Variants in MIPOL1 observed in about 807,000 individuals in gnomAD.
MIPOL1 encodes the protein mirror-image polydactyly gene 1 protein.
Under a neutral mutation model 60.9 loss-of-function variants are expected in MIPOL1, and 57 were observed. That is an observed-to-expected ratio of 0.94 (90% CI 0.76 to 1.17). MIPOL1 has a LOEUF of 1.17. Ranked by LOEUF, MIPOL1 falls within the 50% of genes most tolerant of loss-of-function variation. The probability of loss-of-function intolerance (pLI) is 0.00; values close to 1 mark genes in which losing one functional copy is unlikely to be tolerated. For missense variants in MIPOL1, 551 were observed against 511.6 expected, an observed-to-expected ratio of 1.08 and a Z score of -0.74; for synonymous variants, 179 against 168.8, an observed-to-expected ratio of 1.06 and a Z score of -0.47.
intron 1 of MIPOL1, among the ~76,000 whole-genome samples, chr14:37,233,522 T>C (rs983389755): frequency 8.5e-5 from 13 of 152,108 alleles, no homozygotes; most frequent in Non-Finnish European, 8.8e-5. Context: ...GAACTGAGGG[T>C]CCTAGGAATT....
chr14:37,452,161 A>C (rs2094430557), intron 11 of MIPOL1, among the ~76,000 whole-genome samples: 1 of 152,114 alleles, frequency 6.6e-6, no homozygotes, highest in African/African-American at 2.4e-5. Flanking sequence ...ATTTGAGATG[A>C]AAAGAAAGAG....
chr14:37,435,126 A>G (rs2094143526), intron 11 of MIPOL1, among the ~76,000 whole-genome samples: 2 of 152,140 alleles, frequency 1.3e-5, no homozygotes, highest in African/African-American at 4.8e-5. Context: ...GTATGTTGTG[A>G]TATTACTTAT....
At chr14:37,535,705 G>GAAAAAAAAAAAAAA (rs2095503219) in intron 12 of MIPOL1, among the ~76,000 whole-genome samples, 1 of 152,020 alleles carries the variant, frequency 6.6e-6, no homozygotes, top group African/African-American at 2.4e-5. Context: ...CACCTAAAAG[G>GAAAAAAAAAAAAAA]CTGTGTAGAA....
chr14:37,223,775 A>G (rs1969236668), intron 1 of MIPOL1, among the ~76,000 whole-genome samples: 1 of 152,200 alleles, frequency 6.6e-6, no homozygotes, highest in Non-Finnish European at 1.5e-5. Context: ...TGCTGGGATT[A>G]CAGGCGTGAG....
At chr14:37,375,844 G>A (rs749346199) in intron 10 of MIPOL1, among the ~76,000 whole-genome samples, 11 of 151,642 alleles carry the variant, frequency 7.3e-5, no homozygotes, top group Non-Finnish European at 1.6e-4. Context: ...GCCTCAGCTT[G>A]CCAAGTAGGC....
At chr14:37,350,981 A>G (rs2091312549) in intron 9 of MIPOL1, among the ~76,000 whole-genome samples, 1 of 151,422 alleles carries the variant, frequency 6.6e-6, no homozygotes. Flanking sequence ...ATATGTATAC[A>G]TGTGCCATGC....
intron 1 of MIPOL1, among the ~76,000 whole-genome samples, chr14:37,235,773 C>A (rs1971368275): frequency 6.6e-6 from 1 of 152,060 alleles, no homozygotes; most frequent in South Asian, 2.1e-4. Flanking sequence ...CTGATAACCT[C>A]TATTCTACTT....
intron 10 of MIPOL1, chr14:37,399,934 C>A (rs2093450726): frequency 6.6e-6 from 1 of 152,148 alleles, no homozygotes; most frequent in Admixed American, 6.5e-5. Context: ...AGTTTCCCAG[C>A]ATGATTGATC....
chr14:37,505,133 C>G (rs1231593691), intron 12 of MIPOL1: 1 of 152,108 alleles, frequency 6.6e-6, no homozygotes, highest in Non-Finnish European at 1.5e-5. Context: ...CAAAAAAAGT[C>G]CAGAACCAGA....
intron 1 of MIPOL1, among the ~76,000 whole-genome samples, chr14:37,220,205 A>G (rs1173401547): frequency 6.6e-6 from 1 of 152,164 alleles, no homozygotes; most frequent in Non-Finnish European, 1.5e-5. Flanking sequence ...ATTACGTTAC[A>G]TTCTTGGAGG....
At chr14:37,426,586 T>TATATATATATAC (rs1473912042) in intron 11 of MIPOL1, among the ~76,000 whole-genome samples, 1 of 138,736 alleles carries the variant, frequency 7.2e-6, no homozygotes, top group East Asian at 2.1e-4. Flanking sequence ...TATATATATA[T>TATATATATATAC]ATATATATAC....
At chr14:37,276,557 T>C (rs145288316) in intron 6 of MIPOL1, 92 of 151,338 alleles carry the variant, frequency 6.1e-4, no homozygotes, top group African/African-American at 2.1e-3. Context: ...TCTGTTACTA[T>C]GTATCATATC....
At chr14:37,202,184 T>C (rs896937379) in intron 1 of MIPOL1, among the ~76,000 whole-genome samples, 2 of 152,214 alleles carry the variant, frequency 1.3e-5, no homozygotes, top group African/African-American at 4.8e-5. Flanking sequence ...CATTTAGATA[T>C]ATGCTAATAC....
intron 12 of MIPOL1, among the ~76,000 whole-genome samples, chr14:37,536,546 G>GA (rs1191347792): frequency 7.9e-5 from 12 of 152,292 alleles, no homozygotes; most frequent in Admixed American, 7.8e-4. Context: ...AGGAGAATAT[G>GA]AGGATACTTA....
At chr14:37,388,386 AC>A (rs1852101910) in intron 10 of MIPOL1, among the ~76,000 whole-genome samples, 1 of 151,794 alleles carries the variant, frequency 6.6e-6, no homozygotes, top group Admixed American at 6.6e-5. Context: ...AGAAAACCAC[AC>A]CCCAAATTGC....
chr14:37,375,396 C>T (rs916701841), intron 10 of MIPOL1, among the ~76,000 whole-genome samples: 4 of 151,890 alleles, frequency 2.6e-5, no homozygotes, highest in African/African-American at 9.7e-5. Flanking sequence ...TTTGTAGAGA[C>T]GAGGTCTCAA....
downstream of MIPOL1, chr14:37,551,356 T>C (rs944333190): frequency 6.6e-5 from 10 of 152,098 alleles, no homozygotes; most frequent in African/African-American, 2.2e-4. Flanking sequence ...ATAAAATATA[T>C]TGCAGTAAGG....
chr14:37,216,076 A>T (rs1042757656), intron 1 of MIPOL1, among the ~76,000 whole-genome samples: 1 of 150,004 alleles, frequency 6.7e-6, no homozygotes. Flanking sequence ...AAAAAAAAAA[A>T]AAAGAAAGAA....
At chr14:37,405,939 C>T (rs1220087540) in intron 10 of MIPOL1, among the ~76,000 whole-genome samples, 2 of 144,728 alleles carry the variant, frequency 1.4e-5, no homozygotes, top group Non-Finnish European at 3.0e-5. Context: ...TTTTTCAAGT[C>T]ATTTTCATAT....
Sources: allele counts gnomAD v4.1 joint callset (sites outside exome capture counted in the v4.1 genomes callset), GRCh38; gene constraint gnomAD v4.1.1; transcripts MANE v1.5; gene names NCBI Gene and HGNC (gene_info 2026-07-23, HGNC 2026-07-21).